The following PCDHA2 variants were observed in gnomAD, a reference collection of about 807,000 sequenced individuals.
PCDHA2 encodes protocadherin alpha 2, also known as protocadherin alpha-2.
PCDHA2 carries 58 observed loss-of-function variants against 66.0 expected under a neutral mutation model. The observed-to-expected ratio is 0.88, with a 90% CI of 0.71 to 1.09. The LOEUF is 1.09. Among genes scored for constraint, PCDHA2 ranks in the 50% least tolerant of loss-of-function variants. PCDHA2 has a pLI of 0.00. For missense variants in PCDHA2, 1,267 were observed against 1,242.3 expected (o/e 1.02, Z -0.30); for synonymous variants, 634 against 554.0 (o/e 1.14, Z -2.03).
At chr5:140,850,285 T>G in intron 1 of PCDHA2, 1 of 1,595,606 alleles carries the variant, frequency 6.3e-7, no homozygotes, top group Non-Finnish European at 8.6e-7. Context: ...GTGCGCGCAG[T>G]GGACGCCGAC....
chr5:140,934,706 T>G (rs141577289), intron 1 of PCDHA2, among the ~76,000 whole-genome samples: 348 of 152,292 alleles, frequency 2.3e-3, no homozygotes, highest in African/African-American at 8.1e-3. Context: ...CCTGGCCATC[T>G]TACAAAAAGG....
intron 1 of PCDHA2, among the ~76,000 whole-genome samples, chr5:140,974,022 A>G (rs1348109814): frequency 2.0e-5 from 3 of 152,248 alleles, no homozygotes; most frequent in African/African-American, 4.8e-5. Context: ...TGATAATACA[A>G]CTATAAATTT....
At chr5:140,807,235 C>T in intron 1 of PCDHA2, 1 of 1,614,190 alleles carries the variant, frequency 6.2e-7, no homozygotes, top group Non-Finnish European at 8.5e-7. Flanking sequence ...GTCTGCTGCT[C>T]TTACTTCTTC....
chr5:140,851,325 T>G (rs2042028843), intron 1 of PCDHA2: 3 of 984,014 alleles, frequency 3.0e-6, no homozygotes, highest in South Asian at 4.6e-5. Context: ...TTGTTAAGTT[T>G]GTAGTTCTCT....
intron 1 of PCDHA2, among the ~76,000 whole-genome samples, chr5:140,875,118 A>T (rs1381092384): frequency 6.6e-6 from 1 of 152,224 alleles, no homozygotes; most frequent in African/African-American, 2.4e-5. Context: ...TATCATGTAT[A>T]TTAACTAAAC....
intron 1 of PCDHA2, chr5:140,831,298 C>G (rs2150193348): frequency 1.3e-5 from 2 of 152,070 alleles, no homozygotes; most frequent in Non-Finnish European, 2.9e-5. Context: ...GAGTCTAAAT[C>G]TATTTCTTTG....
chr5:140,941,191 T>TTTTTCTTTCTTTC lies in PCDHA2; in HGVS notation c.2389-37755_2389-37754insTCTTTCTTTCTTT, dbSNP rs1554213809. On this transcript the variant is annotated intron_variant, in intron 1 of 3. Transcript: ENST00000526136. ...CATCTTGAACATCCTGCTTCTTTTT[T>TTTTTCTTTCTTTC]TTTCTTTCTTCCTTTCTTTCTTCCT... Among the ~76,000 whole-genome samples the TTTTTCTTTCTTTC allele has an allele frequency of 1.3e-4, 12 of 93,256 alleles. No individual in the cohort carries two copies. In the East Asian group the frequency reaches 2.9e-3, roughly 23 times the overall value. 61.2% of individuals were successfully genotyped at this position (93,256 alleles called of 152,430 possible). A position where few individuals can be genotyped will look rare whatever the true frequency, so the allele number is the denominator to read the frequency against.
chr5:140,842,688 C>T (rs2150342065), intron 1 of PCDHA2: 3 of 1,595,284 alleles, frequency 1.9e-6, no homozygotes, highest in Non-Finnish European at 1.7e-6. Flanking sequence ...CCGGCGTTCG[C>T]GCAGCCCGAG....
At chr5:140,997,668 T>TTA (rs2097778675) in intron 3 of PCDHA2, among the ~76,000 whole-genome samples, 1 of 148,244 alleles carries the variant, frequency 6.7e-6, no homozygotes, top group African/African-American at 2.5e-5. Flanking sequence ...ATTATACAGC[T>TTA]TGTGTGTGTG....
At position 140,828,334 on chromosome 5, in the gene PCDHA2, T is replaced by G. The variant is rs782374670; in HGVS notation, c.2388+30982T>G. 3.7e-6 allele frequency: 6 copies of G among 1,614,106 alleles called. No individual in the cohort carries two copies. The highest frequency in any genetic ancestry group is 5.1e-6 in the Non-Finnish European group (6 of 1,180,052). On this transcript the variant is annotated intron_variant, in intron 1 of 3. Coordinates refer to ENST00000526136, the MANE Select transcript of PCDHA2 (RefSeq NM_018905.3). ...ACCTTCTGGAGGTAAATCTGCAGAA[T>G]GGCATTTTGTTTGTGAATTCTCGGA...
chr5:140,863,019 T>A (rs781817571), intron 1 of PCDHA2: 6 of 554,136 alleles, frequency 1.1e-5, no homozygotes, highest in Admixed American at 5.7e-5. Context: ...GACGCCTGGT[T>A]GTCGCAACAG....
In PCDHA2 at chr5:140,849,535, C is replaced by T. The variant is rs2150439874; in HGVS notation, c.2388+52183C>T. On this transcript the variant is annotated intron_variant, in intron 1 of 3. Transcript: ENST00000526136. ...GAAGTTGTGGATGTAAATGACAATG[C>T]TCCACAGTTGACTATCAAAACGCTC... 25 of 1,597,860 alleles carry T rather than the reference C, an allele frequency of 1.6e-5. 1 individual carries two copies. In the East Asian group the frequency reaches 4.7e-4, roughly 30 times the overall value.
At chr5:140,998,585 A>C (rs1227951754) in intron 3 of PCDHA2, among the ~76,000 whole-genome samples, 1 of 148,644 alleles carries the variant, frequency 6.7e-6, no homozygotes, top group Non-Finnish European at 1.5e-5. Context: ...TTTTTTTGAG[A>C]CAGAGTTTTG....
chr5:140,882,662 A>G (rs1554175058), intron 1 of PCDHA2: 7 of 1,614,224 alleles, frequency 4.3e-6, no homozygotes, highest in Non-Finnish European at 5.9e-6. Context: ...CAACCCGCCC[A>G]TATTCCCTGA....
At chr5:140,877,097 T>A in intron 1 of PCDHA2, 1 of 1,613,308 alleles carries the variant, frequency 6.2e-7, no homozygotes, top group Non-Finnish European at 8.5e-7. Context: ...GACGCCGGCG[T>A]GCCGCCTCTG....
intron 1 of PCDHA2, chr5:140,803,407 C>A (rs782612711): frequency 6.2e-7 from 1 of 1,614,210 alleles, no homozygotes; most frequent in East Asian, 2.2e-5. Flanking sequence ...CCGGGCAAGC[C>A]CACGCTGGTG....
chr5:140,870,242 T>A (rs1554163936), intron 1 of PCDHA2: 1 of 1,614,142 alleles, frequency 6.2e-7, no homozygotes, highest in East Asian at 2.2e-5. Flanking sequence ...GACTCAGGTG[T>A]CAACGGACAG....
chr5:140,829,877 G>C, intron 1 of PCDHA2: 1 of 1,613,956 alleles, frequency 6.2e-7, no homozygotes, highest in East Asian at 2.2e-5. Flanking sequence ...GAAGGTGCGC[G>C]CAGTTGACGC....
chr5:140,937,838 G>A (rs757526914), intron 1 of PCDHA2, among the ~76,000 whole-genome samples: 3 of 150,986 alleles, frequency 2.0e-5, no homozygotes, highest in Non-Finnish European at 2.9e-5. Context: ...CATGAACCTG[G>A]AAGGCGGAAC....
Sources: allele counts gnomAD v4.1 joint callset (sites outside exome capture counted in the v4.1 genomes callset), GRCh38; gene constraint gnomAD v4.1.1; transcripts MANE v1.5; gene names NCBI Gene and HGNC (gene_info 2026-07-23, HGNC 2026-07-21).